SLC35H1: variants seen among roughly 807,000 people sequenced by gnomAD.
SLC35H1 encodes ovarian cancer-overexpressed gene 1 protein.
At chr20:46,362,136 G>A in the SLC35H1 span, among the ~76,000 whole-genome samples, 1 of 152,138 alleles carries the variant, frequency 6.6e-6, no homozygotes, top group Non-Finnish European at 1.5e-5. Flanking sequence ...ATCTCAGCTA[G>A]AAGGGTCCCT....
At chr20:46,352,502 G>GC in the SLC35H1 span, 2 of 392,582 alleles carry the variant, frequency 5.1e-6, no homozygotes, top group African/African-American at 2.0e-5. Flanking sequence ...GCGGGATGAT[G>GC]GGACCCTAGC....
the SLC35H1 span, chr20:46,355,244 G>A: frequency 1.9e-6 from 3 of 1,611,794 alleles, no homozygotes; most frequent in Non-Finnish European, 2.5e-6. The surrounding 1 kb of genome is among the most constrained non-coding windows in gnomAD (Gnocchi z 4.8). Context: ...GCCGCGCGCT[G>A]GTAGGATGGG....
At chr20:46,356,445 G>T in the SLC35H1 span, 1 of 882,062 alleles carries the variant, frequency 1.1e-6, no homozygotes, top group Non-Finnish European at 1.8e-6. Context: ...CCAGGGAGAG[G>T]CTGAGAGAGC....
the SLC35H1 span, chr20:46,349,114 C>T: frequency 3.3e-5 from 5 of 152,270 alleles, no homozygotes; most frequent in Non-Finnish European, 5.9e-5. Flanking sequence ...TCTGGATAGC[C>T]GTGGCAGGGC....
chr20:46,358,456 G>C, the SLC35H1 span: 1 of 1,614,160 alleles, frequency 6.2e-7, no homozygotes, highest in East Asian at 2.2e-5. Flanking sequence ...CCAGCCCCAG[G>C]GTCAACACCG....
chr20:46,357,913 T>G, the SLC35H1 span: 1 of 838,220 alleles, frequency 1.2e-6, no homozygotes, highest in Non-Finnish European at 1.8e-6. Flanking sequence ...GTAGGGCCCT[T>G]AGTTACGGTA....
At chr20:46,353,227 C>T in the SLC35H1 span, 2 of 152,202 alleles carry the variant, frequency 1.3e-5, no homozygotes, top group Non-Finnish European at 2.9e-5. Flanking sequence ...TGGTATTTCT[C>T]CAACCCGTGG....
At chr20:46,354,215 C>T in the SLC35H1 span, among the ~76,000 whole-genome samples, 1 of 152,148 alleles carries the variant, frequency 6.6e-6, no homozygotes, top group Non-Finnish European at 1.5e-5. Flanking sequence ...TGGAAGCCCA[C>T]CCTCTGCTGA....
At chr20:46,356,612 G>A in the SLC35H1 span, 1 of 1,614,028 alleles carries the variant, frequency 6.2e-7, no homozygotes, top group Non-Finnish European at 8.5e-7. Context: ...AGTTGGACAA[G>A]CCCACGTCAA....
the SLC35H1 span, chr20:46,355,454 C>G: frequency 9.3e-6 from 6 of 644,900 alleles, no homozygotes; most frequent in East Asian, 1.6e-4. This position sits in a 1 kb window ranked among gnomAD's most constrained non-coding sequence, Gnocchi z 4.8. Context: ...AACAGCCCTG[C>G]TTGCTCTGCC....
the SLC35H1 span, among the ~76,000 whole-genome samples, chr20:46,356,202 G>C: frequency 6.6e-6 from 1 of 152,226 alleles, no homozygotes; most frequent in African/African-American, 2.4e-5. Context: ...ACATCAGAGG[G>C]AAGAAGAAAC....
At chr20:46,357,097 ACCCCACAGCTGGC>A in the SLC35H1 span, among the ~76,000 whole-genome samples, 2 of 151,690 alleles carry the variant, frequency 1.3e-5, no homozygotes, top group African/African-American at 4.8e-5. Context: ...TCCCTTCCAG[ACCCCACAGCTGGC>A]ACTAAATCTC....
At chr20:46,357,254 C>T in the SLC35H1 span, among the ~76,000 whole-genome samples, 2 of 152,244 alleles carry the variant, frequency 1.3e-5, no homozygotes, top group South Asian at 2.1e-4. Context: ...TGGTCCCCTC[C>T]CTGGGCTCCG....
the SLC35H1 span, among the ~76,000 whole-genome samples, chr20:46,351,450 C>G: frequency 6.6e-6 from 1 of 152,140 alleles, no homozygotes; most frequent in Non-Finnish European, 1.5e-5. Context: ...GTGTGCCTGG[C>G]CAAAGAGAAA....
chr20:46,355,300 C>T, the SLC35H1 span: 1 of 1,538,802 alleles, frequency 6.5e-7, no homozygotes, highest in South Asian at 1.2e-5. This position sits in a 1 kb window ranked among gnomAD's most constrained non-coding sequence, Gnocchi z 4.8. Flanking sequence ...AAGGGTTCAT[C>T]ACATTTGGAG....
At chr20:46,352,725 T>G in the SLC35H1 span, 1 of 151,456 alleles carries the variant, frequency 6.6e-6, no homozygotes. Flanking sequence ...CCTAGCGGGA[T>G]GAAGGAGATC....
At chr20:46,349,979 G>C in the SLC35H1 span, 2 of 154,792 alleles carry the variant, frequency 1.3e-5, no homozygotes, top group African/African-American at 4.8e-5. Flanking sequence ...AAACTATAAA[G>C]AAACCTGCTC....
At chr20:46,364,093 G>A in the SLC35H1 span, 1 of 152,284 alleles carries the variant, frequency 6.6e-6, no homozygotes, top group Non-Finnish European at 1.5e-5. Flanking sequence ...CAGAGGGCAG[G>A]GCCGTGTCCG....
At chr20:46,354,995 T>C in the SLC35H1 span, 3 of 1,613,458 alleles carry the variant, frequency 1.9e-6, no homozygotes, top group Non-Finnish European at 2.5e-6. Context: ...CACCATCAGG[T>C]CTGGTCCGGC....
Sources: allele counts gnomAD v4.1 joint callset (sites outside exome capture counted in the v4.1 genomes callset), GRCh38; gene constraint gnomAD v4.1.1; non-coding constraint Gnocchi (gnomAD v3.1); transcripts MANE v1.5; gene names NCBI Gene and HGNC (gene_info 2026-07-23, HGNC 2026-07-21).